Variants in RHOJ observed in about 807,000 individuals in gnomAD.
RHOJ encodes the protein rho-related GTP-binding protein RhoJ.
A neutral mutation model predicts 23.4 loss-of-function variants in RHOJ; 11 were observed. That is an observed-to-expected ratio of 0.47 (90% confidence interval 0.30 to 0.78). RHOJ has a LOEUF of 0.78. Ranked by LOEUF, RHOJ falls within the 30% of genes least tolerant of loss-of-function variation. The probability of loss-of-function intolerance (pLI) is 0.08; values close to 1 mark genes in which losing one functional copy is unlikely to be tolerated. For synonymous variants in RHOJ, 102 were observed against 102.7 expected, an observed-to-expected ratio of 0.99 and a Z score of 0.04; for missense variants, 254 against 273.4, an observed-to-expected ratio of 0.93 and a Z score of 0.50.
At chr14:63,229,487 T>C (rs924056753) in intron 1 of RHOJ, among the ~76,000 whole-genome samples, 1 of 152,046 alleles carries the variant, frequency 6.6e-6, no homozygotes, top group African/African-American at 2.4e-5. Context: ...CTTCTAAGCT[T>C]ATTCTTTTTT....
chr14:63,207,220 C>G (rs752447312), intron 1 of RHOJ, among the ~76,000 whole-genome samples: 6 of 151,946 alleles, frequency 3.9e-5, no homozygotes, highest in Non-Finnish European at 8.8e-5. Context: ...TTAGTAGAGA[C>G]AGGGTTTCAC....
chr14:63,253,362 G>A (rs1352625067), intron 1 of RHOJ, among the ~76,000 whole-genome samples: 1 of 151,892 alleles, frequency 6.6e-6, no homozygotes, highest in Non-Finnish European at 1.5e-5. Flanking sequence ...TCAAACTCCT[G>A]GGTTAAAGAA....
chr14:63,243,289 C>T (rs1566616050), intron 1 of RHOJ, among the ~76,000 whole-genome samples: 2 of 152,082 alleles, frequency 1.3e-5, no homozygotes, highest in South Asian at 4.2e-4. Flanking sequence ...ACTAGCTGCT[C>T]CTATTCCCAT....
intron 2 of RHOJ, among the ~76,000 whole-genome samples, chr14:63,275,852 T>G (rs1337664908): frequency 6.6e-6 from 1 of 152,024 alleles, no homozygotes; most frequent in East Asian, 1.9e-4. Context: ...CAAAGCATGC[T>G]CCCTTGTGAA....
At chr14:63,276,257 C>A (rs1175281007) in intron 2 of RHOJ, among the ~76,000 whole-genome samples, 1 of 152,154 alleles carries the variant, frequency 6.6e-6, no homozygotes, top group Non-Finnish European at 1.5e-5. Context: ...GTATTTCTAA[C>A]AAGCTCCCAG....
chr14:63,252,251 GCTT>G (rs1895085061), intron 1 of RHOJ, among the ~76,000 whole-genome samples: 1 of 152,108 alleles, frequency 6.6e-6, no homozygotes, highest in Non-Finnish European at 1.5e-5. Flanking sequence ...CTCAACCTCT[GCTT>G]CTATTCTGAC....
chr14:63,216,505 G>A (rs888777820), intron 1 of RHOJ, among the ~76,000 whole-genome samples: 11 of 152,104 alleles, frequency 7.2e-5, no homozygotes, highest in African/African-American at 2.7e-4. Flanking sequence ...ATTAATAATG[G>A]GGCCCTTTAT....
intron 1 of RHOJ, among the ~76,000 whole-genome samples, chr14:63,238,269 T>C (rs574410252): frequency 6.6e-6 from 1 of 152,188 alleles, no homozygotes; most frequent in Non-Finnish European, 1.5e-5. Flanking sequence ...CTTGCTTTCC[T>C]GGGCCAAAGT....
chr14:63,275,159 C>T (rs919565426), intron 2 of RHOJ, among the ~76,000 whole-genome samples: 30 of 152,150 alleles, frequency 2.0e-4, no homozygotes, highest in African/African-American at 6.7e-4. Flanking sequence ...ATCTCTACAA[C>T]ATTTTTTTAA....
At chr14:63,265,019 T>A (rs1895342058) in intron 1 of RHOJ, among the ~76,000 whole-genome samples, 3 of 152,240 alleles carry the variant, frequency 2.0e-5, no homozygotes, top group Admixed American at 2.0e-4. Flanking sequence ...GTGCAGAAGA[T>A]CTGGAGTTTA....
chr14:63,255,714 A>G (rs188314685), intron 1 of RHOJ, among the ~76,000 whole-genome samples: 2 of 151,956 alleles, frequency 1.3e-5, no homozygotes, highest in East Asian at 1.9e-4. Context: ...GAGCTTTCCT[A>G]TCTCTGTTTT....
rs904923483 is a variant in RHOJ at position 63,285,463 on chromosome 14, T to C, written c.498+2247T>C. Among the ~76,000 whole-genome samples, 3 of 152,246 alleles carry C rather than the reference T, an allele frequency of 2.0e-5. 1 individual carries two copies. Among genetic ancestry groups the C allele is most frequent in the African/African-American group, 7.2e-5 (3 of 41,476 alleles). ...TTCAGATTTTTCATATCTGATTCTT[T>C]CTGTTCAATACTTTTCCATTTCCAA... On this transcript the variant is annotated intron_variant, in intron 4 of 4. Transcript: ENST00000316754.
At chr14:63,286,715 T>G (rs146439307) in intron 4 of RHOJ, among the ~76,000 whole-genome samples, 3 of 152,232 alleles carry the variant, frequency 2.0e-5, no homozygotes, top group Non-Finnish European at 4.4e-5. Context: ...TCTCTTAGAT[T>G]AAGCATGTAT....
At chr14:63,269,083 CTTCTT>C (rs1566625719) in intron 1 of RHOJ, 22 bp from the exon 2 acceptor site, 5 of 1,577,926 alleles carry the variant, frequency 3.2e-6, no homozygotes, top group Non-Finnish European at 4.4e-6. Context: ...GGACTCTCCT[CTTCTT>C]TTCTTTTCTC....
intron 1 of RHOJ, among the ~76,000 whole-genome samples, chr14:63,209,928 T>C (rs1894195856): frequency 1.3e-5 from 2 of 151,544 alleles, no homozygotes; most frequent in African/African-American, 4.8e-5. Flanking sequence ...AACTGTAATA[T>C]AGCATTGAAT....
At position 63,240,179 on chromosome 14, in the gene RHOJ, T is replaced by C. The variant is rs79403251; in HGVS notation, c.179-28931T>C. Among the ~76,000 whole-genome samples, 5 of 152,324 alleles carry C rather than the reference T, an allele frequency of 3.3e-5. No homozygotes were observed. In the East Asian group the frequency reaches 9.6e-4, roughly 29 times the overall value. ...GAAGCAAAGGCTGAGAGGTAATTCG[T>C]GGTGAAACAAAAATATTAAAAGTTT... On this transcript the variant is annotated intron_variant, in intron 1 of 4. Coordinates refer to ENST00000316754, the MANE Select transcript of RHOJ (RefSeq NM_020663.5).
At chr14:63,279,081 G>A (rs1416624697) in intron 2 of RHOJ, among the ~76,000 whole-genome samples, 3 of 152,174 alleles carry the variant, frequency 2.0e-5, no homozygotes, top group Non-Finnish European at 4.4e-5. Flanking sequence ...CATCATATCA[G>A]GGATGAAAAC....
chr14:63,291,285 C>A lies in RHOJ; in HGVS notation c.*261C>A. On this transcript the variant is annotated 3_prime_UTR_variant, in exon 5 of 5. Transcript: ENST00000316754. ...TTGCAGACAGTGCCGCTGCTGATCG[C>A]ATCAAAAACAAAGTCAAAGGCCATC... 2.1e-6 allele frequency: 1 copy of A among 480,928 alleles called. No individual in the cohort carries two copies. The highest frequency in any genetic ancestry group is 3.8e-6 in the Non-Finnish European group (1 of 262,984). 29.8% of individuals were successfully genotyped at this position (480,928 alleles called of 1,614,324 possible). A position where few individuals can be genotyped will look rare whatever the true frequency, so the allele number is the denominator to read the frequency against.
At chr14:63,288,825 T>G (rs991424830) in intron 4 of RHOJ, among the ~76,000 whole-genome samples, 4 of 152,176 alleles carry the variant, frequency 2.6e-5, no homozygotes, top group Non-Finnish European at 5.9e-5. Flanking sequence ...GGAAATAGTG[T>G]CTGGGCCCAA....
Sources: gnomAD v4.1 joint callset for allele counts (sites outside exome capture counted in the v4.1 genomes callset) on GRCh38, gnomAD v4.1.1 for gene constraint, MANE v1.5 for transcripts, NCBI Gene and HGNC (gene_info 2026-07-23, HGNC 2026-07-21) for gene names.